RANBP2: variants seen among roughly 807,000 people sequenced by gnomAD.
The protein encoded by RANBP2 is E3 SUMO-protein ligase RanBP2.
A neutral mutation model predicts 303.6 loss-of-function variants in RANBP2; 57 were observed. The observed-to-expected ratio is 0.19, with a 90% CI of 0.15 to 0.23. The LOEUF (loss-of-function observed/expected upper bound fraction) is 0.23, where lower values mean the gene tolerates loss of function less well. RANBP2 is among the 10% of genes least tolerant of loss of function. The probability of loss-of-function intolerance (pLI) is 1.00; values close to 1 mark genes in which losing one functional copy is unlikely to be tolerated. For synonymous variants in RANBP2, 1,167 were observed against 1,301.5 expected (o/e 0.90, Z 2.23); for missense variants, 3,138 against 3,780.8 (o/e 0.83, Z 4.46).
chr2:109,608,950 G>C, the RANBP2 span, among the ~76,000 whole-genome samples: 7 of 152,094 alleles, frequency 4.6e-5, no homozygotes, highest in Non-Finnish European at 1.0e-4. Flanking sequence ...TGAAAGCAAG[G>C]GTCCTGTATG....
intron 2 of RANBP2, among the ~76,000 whole-genome samples, chr2:108,729,952 A>G (rs866006898): frequency 1.8e-4 from 28 of 152,024 alleles, no homozygotes; most frequent in Non-Finnish European, 3.4e-4. Context: ...ACTTCTGAGC[A>G]CAGCAGTCTG....
At chr2:108,742,295 C>G (rs946280957) in intron 7 of RANBP2, among the ~76,000 whole-genome samples, 46 of 151,108 alleles carry the variant, frequency 3.0e-4, no homozygotes, top group African/African-American at 1.0e-3. Flanking sequence ...CCATGCCCTG[C>G]CTAATATAAA....
chr2:109,621,125 A>G, the RANBP2 span, among the ~76,000 whole-genome samples: 1 of 152,158 alleles, frequency 6.6e-6, no homozygotes, highest in Admixed American at 6.6e-5. Flanking sequence ...CAGTGGTATA[A>G]AGTAGAATCA....
chr2:109,287,824 C>T, the RANBP2 span, among the ~76,000 whole-genome samples: 1 of 152,334 alleles, frequency 6.6e-6, no homozygotes, highest in South Asian at 2.1e-4. Flanking sequence ...GGGCGCTGCA[C>T]TCTCCTGTGT....
the RANBP2 span, among the ~76,000 whole-genome samples, chr2:109,370,162 C>T: frequency 6.6e-6 from 1 of 151,900 alleles, no homozygotes; most frequent in Non-Finnish European, 1.5e-5. Flanking sequence ...TGGAGTGGCA[C>T]CCGTCTTGCC....
chr2:109,511,722 T>G, the RANBP2 span, among the ~76,000 whole-genome samples: 2 of 152,206 alleles, frequency 1.3e-5, no homozygotes, highest in African/African-American at 4.8e-5. Flanking sequence ...GGCCATCTAC[T>G]GTAAGTCTTT....
chr2:109,708,675 G>A, the RANBP2 span, among the ~76,000 whole-genome samples: 8 of 151,958 alleles, frequency 5.3e-5, no homozygotes, highest in African/African-American at 1.9e-4. Flanking sequence ...AATTAATTAA[G>A]TTTAAAAATA....
the RANBP2 span, among the ~76,000 whole-genome samples, chr2:109,233,220 T>A: frequency 6.6e-6 from 1 of 152,196 alleles, no homozygotes; most frequent in Non-Finnish European, 1.5e-5. Flanking sequence ...ACCCAGGTTC[T>A]TGTCCAGCAC....
At chr2:109,680,032 G>GA in the RANBP2 span, among the ~76,000 whole-genome samples, 3 of 151,548 alleles carry the variant, frequency 2.0e-5, no homozygotes, top group African/African-American at 7.3e-5. Context: ...AACCTAGAGA[G>GA]AAAAAATAAA....
chr2:109,129,092 G>A, the RANBP2 span: 2 of 360,744 alleles, frequency 5.5e-6, no homozygotes, highest in Admixed American at 3.7e-5. Context: ...GGTGCGGCTC[G>A]CCAGCTGCGC....
chr2:109,192,971 G>T, the RANBP2 span, among the ~76,000 whole-genome samples: 73 of 152,324 alleles, frequency 4.8e-4, no homozygotes, highest in African/African-American at 1.7e-3. Context: ...AAGAGGTATT[G>T]TGATGAACCT....
chr2:109,318,131 A>T, the RANBP2 span, among the ~76,000 whole-genome samples: 1 of 151,872 alleles, frequency 6.6e-6, no homozygotes, highest in African/African-American at 2.4e-5. Flanking sequence ...AAGCAGAAAA[A>T]CCATTCTAGG....
the RANBP2 span, chr2:109,615,666 C>T: frequency 2.5e-6 from 4 of 1,614,154 alleles, no homozygotes; most frequent in African/African-American, 4.0e-5. Flanking sequence ...GATCAAGAAC[C>T]TGGTGGGAGC....
chr2:108,781,786 C>A (rs1156432174), intron 26 of RANBP2, among the ~76,000 whole-genome samples: 1 of 152,072 alleles, frequency 6.6e-6, no homozygotes, highest in African/African-American at 2.4e-5. Context: ...GAACATTGTT[C>A]TAGGAAAATT....
the RANBP2 span, among the ~76,000 whole-genome samples, chr2:108,996,446 TAAGA>T: frequency 1.6e-4 from 25 of 152,234 alleles, no homozygotes; most frequent in African/African-American, 5.5e-4. Flanking sequence ...TCAAAGTAAA[TAAGA>T]AAGGCTCCAG....
the RANBP2 span, among the ~76,000 whole-genome samples, chr2:108,900,425 A>ATGCC: frequency 6.6e-6 from 1 of 152,068 alleles, no homozygotes; most frequent in East Asian, 1.9e-4. Context: ...GTGGTGGCAC[A>ATGCC]TGCCTGTGAT....
the RANBP2 span, among the ~76,000 whole-genome samples, chr2:109,403,515 T>C: frequency 1.3e-5 from 2 of 152,230 alleles, no homozygotes; most frequent in South Asian, 2.1e-4. Flanking sequence ...TGTCAGGACA[T>C]GGTTATCACT....
the RANBP2 span, among the ~76,000 whole-genome samples, chr2:108,874,091 GT>G: frequency 6.6e-6 from 1 of 152,132 alleles, no homozygotes; most frequent in Non-Finnish European, 1.5e-5. Context: ...AGTAAGAGCA[GT>G]TTTTAGCAAC....
chr2:109,575,811 CA>C, the RANBP2 span, among the ~76,000 whole-genome samples: 1 of 152,146 alleles, frequency 6.6e-6, no homozygotes, highest in Non-Finnish European at 1.5e-5. Flanking sequence ...TAAATGTGTA[CA>C]AAATTAAATT....
Sources: gnomAD v4.1 joint callset for allele counts (sites outside exome capture counted in the v4.1 genomes callset) on GRCh38, gnomAD v4.1.1 for gene constraint, MANE v1.5 for transcripts, NCBI Gene and HGNC (gene_info 2026-07-23, HGNC 2026-07-21) for gene names.